The following PIKFYVE variants were observed in gnomAD, a reference collection of about 807,000 sequenced individuals.
The protein encoded by PIKFYVE is 1-phosphatidylinositol 3-phosphate 5-kinase.
In PIKFYVE, 122 loss-of-function variants were observed where a neutral mutation model predicts 257.9. The observed-to-expected ratio is 0.47, with a 90% confidence interval of 0.41 to 0.55. PIKFYVE has a LOEUF of 0.55. Ranked by LOEUF, PIKFYVE falls within the 20% of genes least tolerant of loss-of-function variation. The probability of loss-of-function intolerance (pLI) is 0.00; values close to 1 mark genes in which losing one functional copy is unlikely to be tolerated. For missense variants in PIKFYVE, 2,160 were observed against 2,536.6 expected (o/e 0.85, Z 3.19); for synonymous variants, 892 against 868.9 (o/e 1.03, Z -0.47).
At chr2:208,269,889 G>A in intron 1 of PIKFYVE, 1 of 297,054 alleles carries the variant, frequency 3.4e-6, no homozygotes, top group Non-Finnish European at 6.9e-6. Flanking sequence ...CCATGCTGCT[G>A]CTGGCTTGGC....
At chr2:208,336,344 C>G in intron 27 of PIKFYVE, 144 bp downstream of exon 27, 2 of 931,294 alleles carry the variant, frequency 2.1e-6, no homozygotes, top group Non-Finnish European at 3.2e-6. Flanking sequence ...ACTCTCCTTT[C>G]CTCTTTATAT....
rs1387419259 is a variant in PIKFYVE at position 208,298,647 on chromosome 2, C to T, written c.918C>T (p.Ala306=). 6.2e-7 allele frequency: 1 copy of T among 1,613,902 alleles called. No homozygotes were observed. The highest frequency in any genetic ancestry group is 1.3e-5 in the African/African-American group (1 of 74,882). ...AGKSPARNRS[A]SITNLSLDRS... ...TTCTTGTTTTTATTTCCAGATCAGC[C>T]AGCATTACTAACCTGTCACTGGATA... is the stretch of plus-strand genomic sequence containing the variant. The change falls in exon 8 of 42, where the codon GCC becomes GCT. Residue 306 remains alanine, a synonymous_variant. Coordinates refer to ENST00000264380, the MANE Select transcript of PIKFYVE (RefSeq NM_015040.4).
intron 7 of PIKFYVE, among the ~76,000 whole-genome samples, chr2:208,289,701 A>G (rs1692044675): frequency 6.6e-6 from 1 of 152,030 alleles, no homozygotes; most frequent in Non-Finnish European, 1.5e-5. Context: ...AAGTGTTGGG[A>G]TTACAGGCAT....
intron 12 of PIKFYVE, among the ~76,000 whole-genome samples, chr2:208,306,597 A>G (rs1694339815): frequency 1.3e-5 from 2 of 152,220 alleles, no homozygotes. Flanking sequence ...TGCTGAGCAC[A>G]GTCAGATACT....
In PIKFYVE at chr2:208,325,485, C is replaced by T; in HGVS notation, c.2674C>T (p.Leu892=). 1 of 1,614,156 alleles carries T rather than the reference C, an allele frequency of 6.2e-7. No homozygotes were observed. Among genetic ancestry groups the T allele is most frequent in the Non-Finnish European group, 8.5e-7 (1 of 1,180,006 alleles). ...TLMQNPSFHS[L]IEGRGHEGAV... is the part of the protein sequence containing the mutation. Reference sequence around the variant, plus strand: ...AATGCAAAACCCTTCATTCCATTCCCTGATTGAGGGACGAGGGCATGAGGG... The same window carrying T: ...AATGCAAAACCCTTCATTCCATTCCTTGATTGAGGGACGAGGGCATGAGGG... Residue 892 remains leucine, a synonymous_variant, in exon 20 of 42, where the codon CTG becomes TTG. Transcript: ENST00000264380.
chr2:208,351,742 G>C (rs1699793233), intron 38 of PIKFYVE, among the ~76,000 whole-genome samples: 1 of 152,098 alleles, frequency 6.6e-6, no homozygotes, highest in Non-Finnish European at 1.5e-5. Flanking sequence ...AGCGGGGTTG[G>C]GGGTGGGGGA....
rs371648963 is a variant in PIKFYVE at position 208,352,664 on chromosome 2, C to T, written c.5726C>T (p.Ala1909Val). Residue 1909 changes from alanine (A) to valine (V), a missense_variant, in exon 39 of 42, where the codon GCG becomes GTG. This residue lies in a region of PIKFYVE where 699 missense variants were observed against 855.8 expected (regional missense o/e 0.82). Transcript: ENST00000264380. Reference protein sequence around the residue: ...TNAVQQKRPTALAKILGVYRI... With the variant: ...TNAVQQKRPTVLAKILGVYRI... ...CCTTCTCTTGATTAGAGGCCCACGG[C>T]GTTGGCCAAAATTCTTGGAGTTTAC... The T allele has an allele frequency of 9.9e-6, 16 of 1,613,260 alleles. No individual in the cohort carries two copies. Among genetic ancestry groups the T allele is most frequent in the East Asian group, 2.2e-5 (1 of 44,812 alleles).
chr2:208,321,611 C>G (rs1309527685), intron 17 of PIKFYVE, among the ~76,000 whole-genome samples: 1 of 136,468 alleles, frequency 7.3e-6, no homozygotes, highest in Non-Finnish European at 1.5e-5. Flanking sequence ...AAGTCTCGCT[C>G]TTGTCCCCCA....
intron 17 of PIKFYVE, among the ~76,000 whole-genome samples, chr2:208,321,144 T>TA (rs1248935812): frequency 6.6e-6 from 1 of 152,228 alleles, no homozygotes; most frequent in Non-Finnish European, 1.5e-5. Context: ...GCATAGGTTT[T>TA]AAGTTTTCTG....
chr2:208,321,971 A>G (rs894183373), intron 17 of PIKFYVE, among the ~76,000 whole-genome samples: 1 of 152,182 alleles, frequency 6.6e-6, no homozygotes, highest in Non-Finnish European at 1.5e-5. Flanking sequence ...TCTGTTGGGA[A>G]ATTGGAATTA....
At chr2:208,290,550 A>G (rs1488111413) in intron 7 of PIKFYVE, among the ~76,000 whole-genome samples, 3 of 152,164 alleles carry the variant, frequency 2.0e-5, no homozygotes, top group Admixed American at 1.3e-4. Context: ...TCTAAGTTTT[A>G]TCAGTTACGA....
chr2:208,311,807 C>T (rs1046525614), intron 12 of PIKFYVE, among the ~76,000 whole-genome samples: 2 of 152,064 alleles, frequency 1.3e-5, no homozygotes, highest in Admixed American at 6.6e-5. Context: ...ATTGTTTTAT[C>T]AGGTGGGTTC....
At chr2:208,268,334 C>T (rs1688940544) in intron 1 of PIKFYVE, among the ~76,000 whole-genome samples, 1 of 151,896 alleles carries the variant, frequency 6.6e-6, no homozygotes. Flanking sequence ...TCATCTCTGC[C>T]TCTGACATTA....
chr2:208,273,800 A>G, intron 3 of PIKFYVE, 67 bp downstream of exon 3: 1 of 1,584,708 alleles, frequency 6.3e-7, no homozygotes, highest in South Asian at 1.1e-5. Flanking sequence ...TGTGTTTCCT[A>G]GGTTGTTTAT....
chr2:208,346,013 A>G lies in PIKFYVE; in HGVS notation c.5112-37A>G, dbSNP rs777371609. 4 of 1,516,482 alleles carry G rather than the reference A, an allele frequency of 2.6e-6. No homozygotes were observed. In the Admixed American group the frequency reaches 6.7e-5, roughly 25 times the overall value. 93.9% of individuals were successfully genotyped at this position (1,516,482 alleles called of 1,614,324 possible). A position where few individuals can be genotyped will look rare whatever the true frequency, so the allele number is the denominator to read the frequency against. ...TTACTATTTTCTGTTTGACTTGTAT[A>G]AAACTAAATTTTTCTTTTTTTTTCT... On this transcript the variant is annotated intron_variant, in intron 33 of 41. Transcript: ENST00000264380.
chr2:208,288,647 C>A, intron 6 of PIKFYVE, 82 bp from the exon 7 acceptor site: 1 of 1,569,320 alleles, frequency 6.4e-7, no homozygotes, highest in South Asian at 1.2e-5. Flanking sequence ...AAGATTAAAT[C>A]TGCTTTTAAT....
chr2:208,325,943 C>T lies in PIKFYVE; in HGVS notation c.3132C>T (p.Ala1044=). Residue 1044 remains alanine, a synonymous_variant, in exon 20 of 42, where the codon GCC becomes GCT. Transcript: ENST00000264380. The part of the protein sequence containing the change: ...SEDKRKTYSL[A]FKQELKDVIL... ...ATAAACGAAAGACTTATTCTTTGGC[C>T]TTTAAGCAGGAATTAAAAGATGTGA... is the stretch of plus-strand genomic sequence containing the variant. 1 of 1,614,088 alleles carries T rather than the reference C, an allele frequency of 6.2e-7. No individual in the cohort carries two copies. The highest frequency in any genetic ancestry group is 8.5e-7 in the Non-Finnish European group (1 of 1,179,966).
intron 16 of PIKFYVE, among the ~76,000 whole-genome samples, chr2:208,319,527 AT>A (rs1253851060): frequency 5.3e-5 from 8 of 152,138 alleles, no homozygotes; most frequent in Non-Finnish European, 1.2e-4. Flanking sequence ...TGCCCCACTG[AT>A]TAGAGATAGT....
intron 17 of PIKFYVE, among the ~76,000 whole-genome samples, chr2:208,322,940 G>A (rs1299021731): frequency 6.9e-6 from 1 of 144,950 alleles, no homozygotes; most frequent in African/African-American, 2.6e-5. Flanking sequence ...GTGAGAACAT[G>A]CGGTGTTTGG....
Sources: allele counts gnomAD v4.1 joint callset (sites outside exome capture counted in the v4.1 genomes callset), GRCh38; gene constraint gnomAD v4.1.1; regional missense constraint gnomAD v4.1.1; transcripts MANE v1.5; gene names NCBI Gene and HGNC (gene_info 2026-07-23, HGNC 2026-07-21).